TULP4: variants seen among roughly 807,000 people sequenced by gnomAD.
TULP4 encodes tubby-related protein 4.
In TULP4, 16 loss-of-function variants were observed where a neutral mutation model predicts 129.0. The ratio of observed to expected loss-of-function variants is 0.12; its 90% CI spans 0.08 to 0.19. TULP4 has a LOEUF of 0.19. TULP4 is among the 10% of genes least tolerant of loss of function. The probability of loss-of-function intolerance (pLI) is 1.00; values close to 1 mark genes in which losing one functional copy is unlikely to be tolerated. For missense variants in TULP4, 1,842 were observed against 2,059.1 expected (o/e 0.89, Z 2.04); for synonymous variants, 998 against 854.0 (o/e 1.17, Z -2.94).
chr6:158,385,589 A>G (rs1449611917), intron 1 of TULP4, among the ~76,000 whole-genome samples: 1 of 151,538 alleles, frequency 6.6e-6, no homozygotes, highest in Admixed American at 6.6e-5. Flanking sequence ...TATTATATGC[A>G]GTATGTACAT....
At chr6:158,314,768 T>A (rs964760395) in intron 1 of TULP4, among the ~76,000 whole-genome samples, 1 of 152,236 alleles carries the variant, frequency 6.6e-6, no homozygotes, top group Non-Finnish European at 1.5e-5. Flanking sequence ...TATGTTTTCG[T>A]ACTTGGAGGT....
intron 6 of TULP4, among the ~76,000 whole-genome samples, chr6:158,463,646 A>G (rs1779492249): frequency 1.1e-5 from 1 of 93,904 alleles, no homozygotes; most frequent in Admixed American, 9.5e-5. Context: ...AAAGTATAAT[A>G]AAAATATATA....
At chr6:158,239,826 A>C (rs1387675434) in intron 1 of TULP4, among the ~76,000 whole-genome samples, 4 of 46,892 alleles carry the variant, frequency 8.5e-5, no homozygotes, top group Admixed American at 3.9e-4. Context: ...TGACCCCCCC[A>C]CCTCCCTCCC....
chr6:158,381,900 G>A (rs1174727116), intron 1 of TULP4, among the ~76,000 whole-genome samples: 2 of 152,290 alleles, frequency 1.3e-5, no homozygotes, highest in East Asian at 3.9e-4. Flanking sequence ...TGTGTGCAAT[G>A]CAGTTGTTAT....
At chr6:158,365,528 G>A (rs1266882735) in intron 1 of TULP4, among the ~76,000 whole-genome samples, 4 of 149,442 alleles carry the variant, frequency 2.7e-5, no homozygotes, top group Non-Finnish European at 5.9e-5. Flanking sequence ...CCAGGCTGGA[G>A]TGCAGTGGTG....
intron 2 of TULP4, among the ~76,000 whole-genome samples, chr6:158,419,773 A>G (rs144221393): frequency 1.2e-3 from 181 of 152,362 alleles, no homozygotes; most frequent in African/African-American, 4.1e-3. Flanking sequence ...GTAGTTTACC[A>G]AGAGCATATT....
At chr6:158,465,959 A>G (rs585078) in intron 6 of TULP4, among the ~76,000 whole-genome samples, 63,541 of 152,078 alleles carry the variant, frequency 0.42, 14,585 homozygotes, top group African/African-American at 0.62. Flanking sequence ...AACGTTCGGA[A>G]GCTATGTCAG....
In TULP4 at chr6:158,462,553, T is replaced by C. The variant is rs566827570; in HGVS notation, c.1026+824T>C. Among the ~76,000 whole-genome samples the C allele has an allele frequency of 2.6e-5, 4 of 151,056 alleles. No individual in the cohort carries two copies. The East Asian group carries it at 7.9e-4, about 30-fold the overall frequency. The stretch of plus-strand genomic sequence containing the variant: ...CACGCCCAGCTAATTTTTTGTATTT[T>C]TACTAGAGATGGGGTTTCACCATGT... On this transcript the variant is annotated intron_variant, in intron 6 of 13. Transcript: ENST00000367097.
intron 6 of TULP4, among the ~76,000 whole-genome samples, chr6:158,478,273 T>G (rs984763483): frequency 2.8e-4 from 43 of 152,278 alleles, no homozygotes; most frequent in African/African-American, 5.1e-4. Context: ...AACCATTTTT[T>G]GGGGGACTTG....
At chr6:158,371,945 G>T (rs1199105567) in intron 1 of TULP4, among the ~76,000 whole-genome samples, 1 of 152,110 alleles carries the variant, frequency 6.6e-6, no homozygotes, top group African/African-American at 2.4e-5. Flanking sequence ...CACCTGAGTA[G>T]CTGGCACTAC....
intron 1 of TULP4, among the ~76,000 whole-genome samples, chr6:158,318,771 G>C (rs1779552337): frequency 6.6e-6 from 1 of 151,890 alleles, no homozygotes; most frequent in Admixed American, 6.6e-5. Flanking sequence ...TCTTCCCCAG[G>C]CTAGAATGCA....
chr6:158,278,533 G>A (rs1778685978), upstream of TULP4, among the ~76,000 whole-genome samples: 1 of 151,912 alleles, frequency 6.6e-6, no homozygotes, highest in Admixed American at 6.6e-5. Flanking sequence ...CATATACTTA[G>A]ATCTTTCCTA....
In TULP4 at chr6:158,342,260, G is replaced by A. The variant is rs1377907350; in HGVS notation, c.252+27992G>A. Among the ~76,000 whole-genome samples, 4 of 152,216 alleles carry A rather than the reference G, an allele frequency of 2.6e-5. No individual in the cohort carries two copies. The East Asian group carries it at 7.7e-4, about 29-fold the overall frequency. On this transcript the variant is annotated intron_variant, in intron 1 of 13. Transcript: ENST00000367097. ...TTGTCCACTTTTGCTTTGGTTGCCT[G>A]TGCTTTTGAGGTCTTACTCAGGAAA...
chr6:158,299,814 A>G (rs867334979), intron 1 of TULP4, among the ~76,000 whole-genome samples: 1 of 152,216 alleles, frequency 6.6e-6, no homozygotes, highest in African/African-American at 2.4e-5. Flanking sequence ...TTTGTGTAGC[A>G]GGTAAATCAG....
At chr6:158,469,667 G>A (rs992382118) in intron 6 of TULP4, among the ~76,000 whole-genome samples, 1 of 151,960 alleles carries the variant, frequency 6.6e-6, no homozygotes, top group African/African-American at 2.4e-5. Flanking sequence ...AAGAGATTGG[G>A]GTGGAGATAG....
chr6:158,399,255 T>G (rs1777790857), intron 1 of TULP4, among the ~76,000 whole-genome samples: 1 of 152,200 alleles, frequency 6.6e-6, no homozygotes, highest in African/African-American at 2.4e-5. Context: ...ATCTCACTTG[T>G]TTTTACAGAT....
intron 1 of TULP4, among the ~76,000 whole-genome samples, chr6:158,332,426 T>C (rs1319326360): frequency 6.6e-6 from 1 of 151,652 alleles, no homozygotes; most frequent in African/African-American, 2.4e-5. Flanking sequence ...GGGCAATCAG[T>C]AAATAACCCT....
chr6:158,335,643 T>C (rs1780014936), intron 1 of TULP4, among the ~76,000 whole-genome samples: 1 of 152,226 alleles, frequency 6.6e-6, no homozygotes, highest in Non-Finnish European at 1.5e-5. Context: ...CAGATGTGTG[T>C]GGTGTATATT....
Position 158,502,941 on chromosome 6 carries a change from C to T in TULP4, c.3278C>T (p.Ala1093Val). The part of the protein sequence containing the change: ...YVNSAFTEDE[A>V]LSQHCQLEKP... ...AACTCGGCCTTCACGGAGGACGAGG[C>T]CCTGTCCCAGCACTGTCAGCTTGAG... Residue 1093 changes from alanine (A) to valine (V), a missense_variant, in exon 13 of 14, where the codon GCC becomes GTC. By Grantham distance (64) the Ala-to-Val change is moderately conservative. Around this residue, in one of 5 missense-constraint regions of TULP4, gnomAD observed 1,089 missense variants for 987.1 expected, o/e 1.10. Coordinates refer to ENST00000367097, the MANE Select transcript of TULP4 (RefSeq NM_020245.5). 1 of 1,614,030 alleles carries T rather than the reference C, an allele frequency of 6.2e-7. No individual in the cohort carries two copies. Among genetic ancestry groups the T allele is most frequent in the East Asian group, 2.2e-5 (1 of 44,868 alleles).
Sources: gnomAD v4.1 joint callset for allele counts (sites outside exome capture counted in the v4.1 genomes callset) on GRCh38, gnomAD v4.1.1 for gene constraint, gnomAD v4.1.1 regional missense constraint, MANE v1.5 for transcripts, NCBI Gene and HGNC (gene_info 2026-07-23, HGNC 2026-07-21) for gene names.